COQ8B: variants seen among roughly 807,000 people sequenced by gnomAD.
COQ8B encodes coenzyme Q8B.
COQ8B carries 44 observed loss-of-function variants against 62.0 expected under a neutral mutation model. The ratio of observed to expected loss-of-function variants is 0.71; its 90% CI spans 0.56 to 0.91. The LOEUF is 0.91. Among genes scored for constraint, COQ8B ranks in the 40% least tolerant of loss-of-function variants. The probability of loss-of-function intolerance (pLI) is 0.00; values close to 1 mark genes in which losing one functional copy is unlikely to be tolerated. For synonymous variants in COQ8B, 252 were observed against 289.9 expected (o/e 0.87, Z 1.33); for missense variants, 649 against 731.6 (o/e 0.89, Z 1.30).
In COQ8B at chr19:40,716,813, A is replaced by T. The variant is rs1427028292; in HGVS notation, c.-230T>A. The stretch of plus-strand genomic sequence containing the variant: ...GTGGTTTAGTCACAGGGGTGGAGGG[A>T]GGGGGCCCACTGGCGCGCCACCAGG... On this transcript the variant is annotated 5_prime_UTR_variant, in exon 1 of 15. Transcript: ENST00000324464. 5.7e-6 allele frequency: 1 copy of T among 174,426 alleles called. No homozygotes were observed. Among genetic ancestry groups the T allele is most frequent in the African/African-American group, 2.4e-5 (1 of 41,916 alleles). 10.8% of individuals were successfully genotyped at this position (174,426 alleles called of 1,614,324 possible).
At position 40,702,586 on chromosome 19, in the gene COQ8B, G is replaced by A. The variant is rs1308097755; in HGVS notation, c.893+14C>T. 6.2e-7 allele frequency: 1 copy of A among 1,612,480 alleles called. No individual in the cohort carries two copies. Among genetic ancestry groups the A allele is most frequent in the East Asian group, 2.2e-5 (1 of 44,876 alleles). On this transcript the variant is annotated intron_variant, in intron 10 of 14. Transcript: ENST00000324464. ...GAGGGAGGGAAGGAGGGAAGCTCAG[G>A]GCACTCAGCTCACCTGAAATTCTGG... is the stretch of plus-strand genomic sequence containing the variant.
Position 40,700,349 on chromosome 19 carries a change from CA to C in COQ8B, c.995del (p.Leu332ArgfsTer7), listed in dbSNP as rs776918034. The C allele has an allele frequency of 7.6e-5, 123 of 1,614,070 alleles. No homozygotes were observed. The highest frequency in any genetic ancestry group is 1.0e-4 in the Non-Finnish European group (121 of 1,180,048). ...CCTGGCTTAGGCCCTGGCACTGGTCCAGGGGGACCCCTCCAGCCAGCTCCAT... is the reference window on the plus strand; with the variant it reads ...CCTGGCTTAGGCCCTGGCACTGGTCCGGGGGACCCCTCCAGCCAGCTCCAT... ...LGMELAGGVP[L>X]DQCQGLSQDL... On this transcript the variant is annotated frameshift_variant, in exon 11 of 15. Transcript: ENST00000324464. LOFTEE classifies it high-confidence loss of function.
In COQ8B at chr19:40,705,175, C is replaced by T. The variant is rs1208999455; in HGVS notation, c.497G>A (p.Ser166Asn). ...VGQMLSIQDN[S>N]FISPQLQHIF... Reference sequence around the variant, plus strand: ...GTGCTGCAGCTGAGGGCTGATGAAGCTGTTGTCTTGGGAGACAGTGGAACC... The same window carrying T: ...GTGCTGCAGCTGAGGGCTGATGAAGTTGTTGTCTTGGGAGACAGTGGAACC... Residue 166 changes from serine (S) to asparagine (N), a missense_variant, in exon 7 of 15, where the codon AGC becomes AAC. Coordinates refer to ENST00000324464, the MANE Select transcript of COQ8B (RefSeq NM_024876.4). 1 of 1,613,362 alleles carries T rather than the reference C, an allele frequency of 6.2e-7. No homozygotes were observed. The highest frequency in any genetic ancestry group is 2.2e-5 in the East Asian group (1 of 44,854).
chr19:40,704,148 C>T (rs896653544), intron 7 of COQ8B: 309 of 163,066 alleles, frequency 1.9e-3, no homozygotes, highest in Non-Finnish European at 2.8e-3. Context: ...CATAACAATC[C>T]TTTTTTTTTT....
Position 40,705,127 on chromosome 19 carries a change from C to T in COQ8B, c.545G>A (p.Ser182Asn). Reference sequence around the variant, plus strand: ...CTGCCAGCGGGGCATGAAGTCGGCGCTCTGGCGGACCCGCTCAAAGATGTG... The same window carrying T: ...CTGCCAGCGGGGCATGAAGTCGGCGTTCTGGCGGACCCGCTCAAAGATGTG... ...LQHIFERVRQ[S>N]ADFMPRWQML... Residue 182 changes from serine (S) to asparagine (N), a missense_variant, in exon 7 of 15, where the codon AGC (serine) becomes AAC (asparagine). Transcript: ENST00000324464. 6.2e-7 allele frequency: 1 copy of T among 1,612,458 alleles called. No homozygotes were observed. Among genetic ancestry groups the T allele is most frequent in the East Asian group, 2.2e-5 (1 of 44,822 alleles).
chr19:40,707,441 TTGC>T (rs1380361283), intron 5 of COQ8B, among the ~76,000 whole-genome samples: 2 of 151,410 alleles, frequency 1.3e-5, no homozygotes, highest in Non-Finnish European at 2.9e-5. Context: ...CAGTGTGTGG[TTGC>T]TTTTACTTAG....
chr19:40,705,795 T>C (rs1222845050), intron 5 of COQ8B, among the ~76,000 whole-genome samples: 1 of 151,896 alleles, frequency 6.6e-6, no homozygotes, highest in Non-Finnish European at 1.5e-5. Context: ...GGGTGTATGG[T>C]GGCATGTGCC....
chr19:40,714,078 G>A lies in COQ8B; in HGVS notation c.278C>T (p.Ala93Val). ...KVPASRISRLANFGGLAVGLG... is the reference protein window; with the variant it reads ...KVPASRISRLVNFGGLAVGLG... Reference sequence around the variant, plus strand: ...AAAGTCACACCTACCCCCAAAGTTGGCCAAGCGGCTGATGCGGGAGGCAGG... The same window carrying A: ...AAAGTCACACCTACCCCCAAAGTTGACCAAGCGGCTGATGCGGGAGGCAGG... Residue 93 changes from alanine (A) to valine (V), a missense_variant, in exon 4 of 15, where the codon GCC (alanine) becomes GTC (valine). By Grantham distance (64) the Ala-to-Val change is moderately conservative. Transcript: ENST00000324464. 1 of 1,614,040 alleles carries A rather than the reference G, an allele frequency of 6.2e-7. No individual in the cohort carries two copies. The highest frequency in any genetic ancestry group is 8.5e-7 in the Non-Finnish European group (1 of 1,180,002).
rs1243109004 is a variant in COQ8B, at chr19:40,714,625, A to C, written c.8T>G (p.Leu3Arg). The change falls in exon 2 of 15, where the codon CTG (leucine) becomes CGG (arginine). Residue 3 changes from leucine to arginine, a missense_variant. Transcript: ENST00000324464. ...CCCCCGAAGTAGGCCCCCCACCTTC[A>C]GCCACATTGCCTGGAGGAGAAGAGG... The part of the protein sequence containing the change: MW[L>R]KVGGLLRGTG... 2 of 1,605,806 alleles carry C rather than the reference A, an allele frequency of 1.2e-6. No homozygotes were observed.
Position 40,700,118 on chromosome 19 carries a change from C to T in COQ8B, c.1092G>A (p.Met364Ile), listed in dbSNP as rs2086304691. ...CLRELFEFRFMQTDPNWANFL... is the reference protein window; with the variant it reads ...CLRELFEFRFIQTDPNWANFL... ...AGTTGGCCCAGTTGGGGTCAGTCTG[C>T]ATGAATCGGAACTCAAACAGCTCCC... Residue 364 changes from methionine (M) to isoleucine (I), a missense_variant, in exon 12 of 15, where the codon ATG becomes ATA. Coordinates refer to ENST00000324464, the MANE Select transcript of COQ8B (RefSeq NM_024876.4). 1.2e-6 allele frequency: 2 copies of T among 1,614,142 alleles called. No homozygotes were observed. The highest frequency in any genetic ancestry group is 2.7e-5 in the African/African-American group (2 of 74,942).
intron 4 of COQ8B, 90 bp from the exon 5 acceptor site, chr19:40,710,226 G>A: frequency 8.5e-7 from 1 of 1,179,022 alleles, no homozygotes; most frequent in Non-Finnish European, 1.3e-6. Flanking sequence ...CTCCAAGAAT[G>A]CTTGTCTCCC....
At chr19:40,703,648 A>T in intron 8 of COQ8B, 26 bp from the exon 9 acceptor site, 1 of 1,613,508 alleles carries the variant, frequency 6.2e-7, no homozygotes, top group Non-Finnish European at 8.5e-7. Flanking sequence ...GGAGGGAGAG[A>T]AGGTGGGAGT....
intron 4 of COQ8B, among the ~76,000 whole-genome samples, chr19:40,711,571 T>C (rs2082142122): frequency 6.6e-6 from 1 of 152,100 alleles, no homozygotes; most frequent in African/African-American, 2.4e-5. Context: ...CTTCTCCCCA[T>C]TTGTCCTATC....
At chr19:40,697,240 T>C (rs1599623665) in intron 12 of COQ8B, among the ~76,000 whole-genome samples, 1 of 151,810 alleles carries the variant, frequency 6.6e-6, no homozygotes, top group African/African-American at 2.4e-5. Flanking sequence ...GCCTCCTGGG[T>C]AGCTGGGACC....
At chr19:40,700,476 G>A (rs1263912717) in intron 10 of COQ8B, 25 bp from the exon 11 acceptor site, 4 of 1,607,966 alleles carry the variant, frequency 2.5e-6, no homozygotes, top group East Asian at 4.5e-5. Context: ...AAGGGAGGAA[G>A]GGGACTTCGT....
intron 13 of COQ8B, among the ~76,000 whole-genome samples, chr19:40,693,668 T>C (rs2081991133): frequency 1.3e-5 from 2 of 152,174 alleles, no homozygotes; most frequent in African/African-American, 4.8e-5. Flanking sequence ...GGGCCTCCAC[T>C]TTCTCATCTG....
chr19:40,695,735 T>C (rs1343441635), intron 13 of COQ8B, among the ~76,000 whole-genome samples: 1 of 152,208 alleles, frequency 6.6e-6, no homozygotes, highest in African/African-American at 2.4e-5. Context: ...AGTTACTTCA[T>C]CTGGCCTAAA....
chr19:40,693,653 C>T (rs1433511312), intron 13 of COQ8B, among the ~76,000 whole-genome samples: 1 of 152,178 alleles, frequency 6.6e-6, no homozygotes, highest in East Asian at 1.9e-4. Context: ...ACCTGCCGGC[C>T]TGTTGGGCCT....
chr19:40,698,652 A>T (rs2144690305), intron 12 of COQ8B, among the ~76,000 whole-genome samples: 1 of 152,232 alleles, frequency 6.6e-6, no homozygotes, highest in Admixed American at 6.5e-5. Context: ...CACAGGGTGT[A>T]TGCACATTGT....
Sources: allele counts gnomAD v4.1 joint callset (sites outside exome capture counted in the v4.1 genomes callset), GRCh38; gene constraint gnomAD v4.1.1; transcripts MANE v1.5; gene names NCBI Gene and HGNC (gene_info 2026-07-23, HGNC 2026-07-21).